NALF1: variants seen among roughly 807,000 people sequenced by gnomAD.
The protein encoded by NALF1 is NALCN channel auxiliary factor 1.
A neutral mutation model predicts 48.4 loss-of-function variants in NALF1; 3 were observed. The observed-to-expected ratio is 0.06, with a 90% CI of 0.03 to 0.16. The LOEUF is 0.16. NALF1 is among the 10% of genes least tolerant of loss of function. The pLI, the probability that NALF1 is intolerant of heterozygous loss-of-function variation, is 1.00. For missense variants in NALF1, 526 were observed against 571.5 expected (o/e 0.92, Z 0.81); for synonymous variants, 262 against 245.7 (o/e 1.07, Z -0.62).
At chr13:107,719,947 G>A (rs538722031) in intron 1 of NALF1, among the ~76,000 whole-genome samples, 8 of 151,932 alleles carry the variant, frequency 5.3e-5, no homozygotes, top group East Asian at 1.9e-4. Context: ...AATAATCACC[G>A]TTCCCTCTGC....
At chr13:107,658,518 G>A (rs1594189210) in intron 1 of NALF1, among the ~76,000 whole-genome samples, 1 of 152,216 alleles carries the variant, frequency 6.6e-6, no homozygotes, top group East Asian at 1.9e-4. Flanking sequence ...TTACCTCTAA[G>A]CCAAATGAAT....
At chr13:107,302,814 C>T (rs527375364) in intron 1 of NALF1, among the ~76,000 whole-genome samples, 25 of 152,278 alleles carry the variant, frequency 1.6e-4, no homozygotes, top group Non-Finnish European at 2.8e-4. Context: ...CATATGATTT[C>T]TCGCCACATA....
chr13:107,686,534 G>C (rs1881437152), intron 1 of NALF1, among the ~76,000 whole-genome samples: 1 of 152,016 alleles, frequency 6.6e-6, no homozygotes, highest in Non-Finnish European at 1.5e-5. Flanking sequence ...GCTGGGACTA[G>C]AGGCACATGC....
rs61429641 is a variant in NALF1 at position 107,586,635 on chromosome 13, A to ATTTTTT, written c.915+279041_915+279046dup. On this transcript the variant is annotated intron_variant, in intron 1 of 2. Coordinates refer to ENST00000375915, the MANE Select transcript of NALF1 (RefSeq NM_001080396.3). ...CTACATTTAAAGCTCCCCTATGGAG[A>ATTTTTT]TTTTTTTTTTTTTTGCTAGGAATGA... is the stretch of plus-strand genomic sequence containing the variant. Among the ~76,000 whole-genome samples the ATTTTTT allele has an allele frequency of 5.6e-4, 52 of 93,102 alleles. 5 individuals are homozygous for ATTTTTT. In the East Asian group the frequency reaches 6.4e-3, roughly 11 times the overall value. 61.1% of individuals were successfully genotyped at this position (93,102 alleles called of 152,430 possible). A position where few individuals can be genotyped will look rare whatever the true frequency, so the allele number is the denominator to read the frequency against.
chr13:107,219,252 CT>C (rs1278898942), intron 1 of NALF1, among the ~76,000 whole-genome samples: 2 of 152,166 alleles, frequency 1.3e-5, no homozygotes, highest in South Asian at 4.2e-4. Flanking sequence ...CAAGCAATGC[CT>C]TAGAAGTGCA....
chr13:107,575,694 T>G (rs1878119797), intron 1 of NALF1, among the ~76,000 whole-genome samples: 1 of 152,182 alleles, frequency 6.6e-6, no homozygotes, highest in Admixed American at 6.5e-5. Flanking sequence ...GATGGACTCC[T>G]GGCTGTCACT....
intron 1 of NALF1, among the ~76,000 whole-genome samples, chr13:107,250,900 TC>T (rs1344626751): frequency 1.3e-5 from 2 of 152,150 alleles, no homozygotes; most frequent in African/African-American, 4.8e-5. Flanking sequence ...TTCCTCCTGC[TC>T]CCAGCCATGT....
intron 1 of NALF1, among the ~76,000 whole-genome samples, chr13:107,329,195 T>C (rs185525916): frequency 2.0e-4 from 31 of 152,280 alleles, no homozygotes; most frequent in African/African-American, 7.5e-4. Context: ...ACATAAAATT[T>C]TTAGGAACTG....
intron 2 of NALF1, among the ~76,000 whole-genome samples, chr13:107,183,899 G>GT (rs1879118415): frequency 6.6e-6 from 1 of 152,016 alleles, no homozygotes; most frequent in Non-Finnish European, 1.5e-5. Flanking sequence ...TGTAGATGAC[G>GT]TTTTTCCAAC....
chr13:107,862,873 C>T (rs956442170), intron 1 of NALF1, among the ~76,000 whole-genome samples: 5 of 151,698 alleles, frequency 3.3e-5, no homozygotes, highest in East Asian at 1.9e-4. Context: ...AGTAATAATT[C>T]ATCCTAACTC....
intron 1 of NALF1, among the ~76,000 whole-genome samples, chr13:107,537,539 T>C (rs1465852259): frequency 1.3e-5 from 2 of 152,146 alleles, no homozygotes; most frequent in Non-Finnish European, 2.9e-5. Context: ...CTAATAATGA[T>C]ACAGTTGTCG....
At chr13:107,636,651 TAG>T (rs1879983842) in intron 1 of NALF1, among the ~76,000 whole-genome samples, 1 of 152,094 alleles carries the variant, frequency 6.6e-6, no homozygotes, top group South Asian at 2.1e-4. Context: ...TAAAGGGAAA[TAG>T]ACTTTAAAGT....
intron 1 of NALF1, among the ~76,000 whole-genome samples, chr13:107,823,146 T>C (rs1879407012): frequency 6.6e-6 from 1 of 152,232 alleles, no homozygotes; most frequent in Non-Finnish European, 1.5e-5. Context: ...CTTTCCACTA[T>C]TTAGAATAGT....
intron 1 of NALF1, among the ~76,000 whole-genome samples, chr13:107,457,485 A>G (rs1884843086): frequency 6.6e-6 from 1 of 152,208 alleles, no homozygotes; most frequent in South Asian, 2.1e-4. Context: ...AGCACAGGAG[A>G]AGCAGGAAGG....
At chr13:107,788,205 CTTGT>C (rs1003540878) in intron 1 of NALF1, 9 of 152,070 alleles carry the variant, frequency 5.9e-5, no homozygotes, top group Admixed American at 5.9e-4. Context: ...GCTTATCCTC[CTTGT>C]TTTTCAACTG....
At chr13:107,224,132 G>A (rs1440297126) in intron 1 of NALF1, among the ~76,000 whole-genome samples, 1 of 151,820 alleles carries the variant, frequency 6.6e-6, no homozygotes, top group South Asian at 2.1e-4. Context: ...AAAATTGGTG[G>A]TAACATTGGA....
At chr13:107,301,789 GCAAA>G (rs1288823369) in intron 1 of NALF1, among the ~76,000 whole-genome samples, 4 of 152,084 alleles carry the variant, frequency 2.6e-5, no homozygotes, top group South Asian at 2.1e-4. Context: ...GTAAAAATAA[GCAAA>G]CAAACAAAAA....
At chr13:107,490,115 T>C (rs1203044017) in intron 1 of NALF1, among the ~76,000 whole-genome samples, 1 of 152,166 alleles carries the variant, frequency 6.6e-6, no homozygotes, top group East Asian at 1.9e-4. Flanking sequence ...GGAACGCTTA[T>C]ACACAGTTGA....
chr13:107,792,139 C>CTATG (rs1184096690), intron 1 of NALF1, among the ~76,000 whole-genome samples: 5 of 152,268 alleles, frequency 3.3e-5, no homozygotes, highest in Admixed American at 1.3e-4. Context: ...GCAGGTCTTA[C>CTATG]TATGCTCAAA....
Sources: allele counts gnomAD v4.1 joint callset (sites outside exome capture counted in the v4.1 genomes callset), GRCh38; gene constraint gnomAD v4.1.1; transcripts MANE v1.5; gene names NCBI Gene and HGNC (gene_info 2026-07-23, HGNC 2026-07-21).